MUC5AC: variants seen among roughly 807,000 people sequenced by gnomAD.
The protein encoded by MUC5AC is mucin-5AC.
MUC5AC carries 158 observed loss-of-function variants against 169.7 expected under a neutral mutation model. The observed-to-expected ratio is 0.93, with a 90% CI of 0.82 to 1.06. The LOEUF (loss-of-function observed/expected upper bound fraction) is 1.06, where lower values mean the gene tolerates loss of function less well. MUC5AC is among the 50% of genes least tolerant of loss of function. The pLI, the probability that MUC5AC is intolerant of heterozygous loss-of-function variation, is 0.00. For synonymous variants in MUC5AC, 1,975 were observed against 1,237.0 expected, an observed-to-expected ratio of 1.60 and a Z score of -12.52; for missense variants, 4,359 against 3,089.9, an observed-to-expected ratio of 1.41 and a Z score of -9.74.
In MUC5AC at chr11:1,161,593, G is replaced by A. The variant is rs754336528; in HGVS notation, c.211+7G>A. On this transcript the variant is annotated splice_region_variant and intron_variant, in intron 3 of 48. Transcript: ENST00000621226. ...ACCATCCCTGTGGTACGAGGTGAGT[G>A]GAGCCCGGAGGCCTGGGTGGGGAAG... 4 of 1,607,880 alleles carry A rather than the reference G, an allele frequency of 2.5e-6. No homozygotes were observed. Among genetic ancestry groups the A allele is most frequent in the Non-Finnish European group, 2.5e-6 (3 of 1,177,026 alleles).
intron 12 of MUC5AC, among the ~76,000 whole-genome samples, chr11:1,168,207 G>A (rs1451938774): frequency 2.6e-5 from 4 of 152,182 alleles, no homozygotes; most frequent in Non-Finnish European, 5.9e-5. Flanking sequence ...GACCCAAGGG[G>A]CCCCAGGAAG....
intron 1 of MUC5AC, among the ~76,000 whole-genome samples, chr11:1,158,912 G>T (rs552885685): frequency 1.3e-5 from 2 of 152,192 alleles, no homozygotes; most frequent in African/African-American, 4.8e-5. Flanking sequence ...CGGTGTCTCC[G>T]TGCCACCCTC....
In MUC5AC at chr11:1,191,537, C is replaced by A. The variant is rs111164684; in HGVS notation, c.13392C>A (p.Ser4464Arg). ...TTSTISLPTT[S>R]TTSAPITSMT... ...GCACAATCTCTCTCCCTACAACCAG[C>A]ACAACCTCTGCTCCTATAACCAGCA... Residue 4464 changes from serine (S) to arginine (R), a missense_variant, in exon 31 of 49, where the codon AGC (serine) becomes AGA (arginine). Transcript: ENST00000621226. 1 of 645,100 alleles carries A rather than the reference C, an allele frequency of 1.6e-6. No individual in the cohort carries two copies. Among genetic ancestry groups the A allele is most frequent in the South Asian group, 1.7e-5 (1 of 57,474 alleles). The allele number at this position is 645,100 out of a possible 1,614,324, so 40.0% of individuals were successfully genotyped here.
At chr11:1,198,419 G>A (rs1034991830) in intron 43 of MUC5AC, 114 bp downstream of exon 43, 9 of 684,456 alleles carry the variant, frequency 1.3e-5, no homozygotes, top group African/African-American at 3.5e-5. Flanking sequence ...CCAGGGACTC[G>A]AGTCTCTGCA....
chr11:1,164,512 C>G lies in MUC5AC; in HGVS notation c.1109C>G (p.Ala370Gly), dbSNP rs561640374. The G allele has an allele frequency of 2.5e-6, 4 of 1,611,196 alleles. No homozygotes were observed. The highest frequency in any genetic ancestry group is 4.5e-5 in the East Asian group (2 of 44,842). Reference protein sequence around the residue: ...HSRACEDHCVAGCFCPEGTVL... With the variant: ...HSRACEDHCVGGCFCPEGTVL... ...CGGGCCTGTGAGGACCACTGTGTGG[C>G]CGGCTGCTTCTGCCCTGAGGGTGAG... Residue 370 changes from alanine to glycine, a missense_variant, in exon 9 of 49, where the codon GCC becomes GGC. Physicochemically the swap from Ala to Gly is moderately conservative, Grantham distance 60 (BLOSUM62 0). Coordinates refer to ENST00000621226, the MANE Select transcript of MUC5AC (RefSeq NM_001304359.2).
Position 1,186,210 on chromosome 11 carries a change from A to G in MUC5AC, c.8065A>G (p.Thr2689Ala). Residue 2689 changes from threonine (T) to alanine (A), a missense_variant, in exon 31 of 49, where the codon ACA becomes GCA. Thr to Ala is a moderately conservative substitution (Grantham distance 58, BLOSUM62 0). Transcript: ENST00000621226. The stretch of plus-strand genomic sequence containing the variant: ...TACAACCAGCACAACCTCTGCTTCT[A>G]CAACCAGCACAACCTCTGGTCCTGG... ...ASTTSTTSAS[T>A]TSTTSGPGTT... The G allele has an allele frequency of 1.3e-6, 1 of 750,940 alleles. No individual in the cohort carries two copies. Among genetic ancestry groups the G allele is most frequent in the Non-Finnish European group, 2.4e-6 (1 of 410,198 alleles). The allele number at this position is 750,940 out of a possible 1,614,324, so 46.5% of individuals were successfully genotyped here. A position where few individuals can be genotyped will look rare whatever the true frequency, so the allele number is the denominator to read the frequency against.
At position 1,189,886 on chromosome 11, in the gene MUC5AC, G is replaced by A. The variant is rs1861047433; in HGVS notation, c.11741G>A (p.Gly3914Asp). Residue 3914 changes from glycine (G) to aspartate (D), a missense_variant, in exon 31 of 49, where the codon GGT becomes GAT. Coordinates refer to ENST00000621226, the MANE Select transcript of MUC5AC (RefSeq NM_001304359.2). ...GCTGCTACAAGCAGCACAACCTCCG[G>A]TTCTGGAACTACTCCCAGCCCCGTT... ...TSAATSSTTS[G>D]SGTTPSPVPT... is the part of the protein sequence containing the mutation. The A allele has an allele frequency of 5.2e-6, 4 of 764,836 alleles. No individual in the cohort carries two copies. Among genetic ancestry groups the A allele is most frequent in the Non-Finnish European group, 9.6e-6 (4 of 417,740 alleles). 47.4% of individuals were successfully genotyped at this position (764,836 alleles called of 1,614,324 possible). A position where few individuals can be genotyped will look rare whatever the true frequency, so the allele number is the denominator to read the frequency against.
rs1346827748 is a variant in MUC5AC, at chr11:1,191,491, C to T, written c.13346C>T (p.Thr4449Ile). The change falls in exon 31 of 49, where the codon ACA becomes ATA. Residue 4449 changes from threonine (T) to isoleucine (I), a missense_variant. Transcript: ENST00000621226. ...CCCAGCCCTGTTCCCACCACAAGCA[C>T]AACCTCTGCTTCTACAACCAGCACA... ...TTPSPVPTTS[T>I]TSASTTSTIS... 1 of 646,390 alleles carries T rather than the reference C, an allele frequency of 1.5e-6. No homozygotes were observed. Among genetic ancestry groups the T allele is most frequent in the Non-Finnish European group, 2.8e-6 (1 of 353,042 alleles). 40.0% of individuals were successfully genotyped at this position (646,390 alleles called of 1,614,324 possible). A position where few individuals can be genotyped will look rare whatever the true frequency, so the allele number is the denominator to read the frequency against.
chr11:1,198,231 C>A (rs374658989), intron 42 of MUC5AC, 37 bp from the exon 43 acceptor site: 1 of 734,352 alleles, frequency 1.4e-6, no homozygotes, highest in Non-Finnish European at 2.5e-6. Flanking sequence ...GGAGAGTGGG[C>A]GGCGGGGGGT....
At position 1,162,663 on chromosome 11, in the gene MUC5AC, G is replaced by C. The variant is rs770181179; in HGVS notation, c.588+17G>C. 2.9e-5 allele frequency: 47 copies of C among 1,605,776 alleles called. No homozygotes were observed. In the East Asian group the frequency reaches 1.0e-3, roughly 36 times the overall value. ...AGCCTGCTGGTGAGGCTGGGTGGGGGTGTCCCGGTGTGCAACTCCAGCCCT... is the reference window on the plus strand; with the variant it reads ...AGCCTGCTGGTGAGGCTGGGTGGGGCTGTCCCGGTGTGCAACTCCAGCCCT... On this transcript the variant is annotated intron_variant, in intron 5 of 48. Coordinates refer to ENST00000621226, the MANE Select transcript of MUC5AC (RefSeq NM_001304359.2).
At chr11:1,167,409 C>A (rs534955707) in intron 11 of MUC5AC, among the ~76,000 whole-genome samples, 1 of 152,222 alleles carries the variant, frequency 6.6e-6, no homozygotes, top group Non-Finnish European at 1.5e-5. Context: ...TGATACCCTG[C>A]GCTGGGGTGG....
rs1207298464 is a variant in MUC5AC, at chr11:1,196,421, C to G, written c.15671C>G (p.Pro5224Arg). 1 of 765,042 alleles carries G rather than the reference C, an allele frequency of 1.3e-6. No individual in the cohort carries two copies. Among genetic ancestry groups the G allele is most frequent in the South Asian group, 1.3e-5 (1 of 74,630 alleles). 47.4% of individuals were successfully genotyped at this position (765,042 alleles called of 1,614,324 possible). A position where few individuals can be genotyped will look rare whatever the true frequency, so the allele number is the denominator to read the frequency against. ...FTCPADKVYQPCGPSNPSYCY... is the reference protein window; with the variant it reads ...FTCPADKVYQRCGPSNPSYCY... ...TGCCCAGCCGACAAGGTGTACCAGC[C>G]CTGCGGCCCGAGCAACCCCTCCTAC... The change falls in exon 38 of 49, where the codon CCC becomes CGC. Residue 5224 changes from proline (P) to arginine (R), a missense_variant. Coordinates refer to ENST00000621226, the MANE Select transcript of MUC5AC (RefSeq NM_001304359.2).
At chr11:1,169,462 A>C (rs1665408438) in intron 15 of MUC5AC, among the ~76,000 whole-genome samples, 1 of 80,608 alleles carries the variant, frequency 1.2e-5, no homozygotes. Flanking sequence ...CACTCACCTC[A>C]CTCACTCACC....
chr11:1,167,537 G>A (rs943690342), intron 11 of MUC5AC, among the ~76,000 whole-genome samples: 21 of 152,210 alleles, frequency 1.4e-4, no homozygotes, highest in Non-Finnish European at 2.6e-4. Flanking sequence ...GAAGTTTCAC[G>A]CAGACAGCTC....
Position 1,188,549 on chromosome 11 carries a change from C to T in MUC5AC, c.10404C>T (p.Thr3468=), listed in dbSNP as rs1415498748. The T allele has an allele frequency of 2.6e-6, 2 of 755,184 alleles. No homozygotes were observed. Among genetic ancestry groups the T allele is most frequent in the African/African-American group, 1.7e-5 (1 of 58,984 alleles). 46.8% of individuals were successfully genotyped at this position (755,184 alleles called of 1,614,324 possible). ...PTSSTTSTPQ[T]SKTSAATSST... ...GCAGCACAACCTCCACTCCACAGAC[C>T]AGCAAAACCTCAGCTGCTACAAGCA... is the stretch of plus-strand genomic sequence containing the variant. The change falls in exon 31 of 49, where the codon ACC becomes ACT. Residue 3468 remains threonine, a synonymous_variant. Transcript: ENST00000621226.
chr11:1,187,585 G>A lies in MUC5AC; in HGVS notation c.9440G>A (p.Ser3147Asn). 1.3e-6 allele frequency: 1 copy of A among 758,320 alleles called. No individual in the cohort carries two copies. The highest frequency in any genetic ancestry group is 1.4e-5 in the South Asian group (1 of 73,760). 47.0% of individuals were successfully genotyped at this position (758,320 alleles called of 1,614,324 possible). ...TTSTTSASTA[S>N]KTSGPGTTPS... ...AGCACAACTTCTGCCTCTACAGCCA[G>A]CAAAACCTCTGGTCCTGGAACCACT... Residue 3147 changes from serine to asparagine, a missense_variant, in exon 31 of 49, where the codon AGC becomes AAC. Physicochemically the swap from Ser to Asn is conservative, Grantham distance 46. Coordinates refer to ENST00000621226, the MANE Select transcript of MUC5AC (RefSeq NM_001304359.2).
intron 15 of MUC5AC, among the ~76,000 whole-genome samples, chr11:1,170,680 C>T (rs1860485765): frequency 7.0e-6 from 1 of 142,246 alleles, no homozygotes; most frequent in African/African-American, 2.6e-5. Flanking sequence ...CACCAACTCA[C>T]CCATTCACCC....
chr11:1,196,451 A>G lies in MUC5AC; in HGVS notation c.15701A>G (p.Tyr5234Cys), dbSNP rs1318351596. 2.6e-6 allele frequency: 2 copies of G among 764,948 alleles called. No individual in the cohort carries two copies. The highest frequency in any genetic ancestry group is 2.7e-5 in the South Asian group (2 of 74,626). The allele number at this position is 764,948 out of a possible 1,614,324, so 47.4% of individuals were successfully genotyped here. A position where few individuals can be genotyped will look rare whatever the true frequency, so the allele number is the denominator to read the frequency against. The change falls in exon 38 of 49, where the codon TAC becomes TGC. Residue 5234 changes from tyrosine (Y) to cysteine (C), a missense_variant. Transcript: ENST00000621226. ...PCGPSNPSYCYGNDSASLGAL... is the reference protein window; with the variant it reads ...PCGPSNPSYCCGNDSASLGAL... ...GGCCCGAGCAACCCCTCCTACTGCT[A>G]CGGGAATGACAGCGCCAGCCTCGGG...
At position 1,184,004 on chromosome 11, in the gene MUC5AC, G is replaced by T; in HGVS notation, c.5859G>T (p.Glu1953Asp). 2.5e-6 allele frequency: 1 copy of T among 395,012 alleles called. No individual in the cohort carries two copies. The highest frequency in any genetic ancestry group is 1.3e-4 in the South Asian group (1 of 7,476). The allele number at this position is 395,012 out of a possible 1,614,324, so 24.5% of individuals were successfully genotyped here. The change falls in exon 31 of 49, where the codon GAG becomes GAT. Residue 1953 changes from glutamate (E) to aspartate (D), a missense_variant. By Grantham distance (45) the Glu-to-Asp change is conservative. Coordinates refer to ENST00000621226, the MANE Select transcript of MUC5AC (RefSeq NM_001304359.2). Reference sequence around the variant, plus strand: ...CCAGCACATCCTCCTGCCTGCAGGAGCTTTGCACCTGGACCGAGTGGATTG... The same window carrying T: ...CCAGCACATCCTCCTGCCTGCAGGATCTTTGCACCTGGACCGAGTGGATTG... The part of the protein sequence containing the change: ...TEPSTSSCLQ[E>D]LCTWTEWIDG...
Sources: gnomAD v4.1 joint callset for allele counts (sites outside exome capture counted in the v4.1 genomes callset) on GRCh38, gnomAD v4.1.1 for gene constraint, MANE v1.5 for transcripts, NCBI Gene and HGNC (gene_info 2026-07-23, HGNC 2026-07-21) for gene names.